The following TIGD5 variants were observed in gnomAD, a reference collection of about 807,000 sequenced individuals.
The protein encoded by TIGD5 is tigger transposable element-derived protein 5.
TIGD5 carries 24 observed loss-of-function variants against 28.8 expected under a neutral mutation model. The observed-to-expected ratio is 0.83, with a 90% CI of 0.60 to 1.17. The LOEUF (loss-of-function observed/expected upper bound fraction) is 1.17, where lower values mean the gene tolerates loss of function less well. TIGD5 is among the 50% of genes most tolerant of loss of function. The probability of loss-of-function intolerance (pLI) is 0.00; values close to 1 mark genes in which losing one functional copy is unlikely to be tolerated. For synonymous variants in TIGD5, 538 were observed against 430.5 expected (o/e 1.25, Z -3.09); for missense variants, 922 against 911.4 (o/e 1.01, Z -0.15).
At position 143,600,258 on chromosome 8, in the gene TIGD5, C is replaced by T. The variant is rs112637095; in HGVS notation, c.*426C>T. 3,103 of 195,822 alleles carry T rather than the reference C, an allele frequency of 0.016. 50 individuals carry two copies. Among genetic ancestry groups the T allele is most frequent in the Middle Eastern group, 0.051 (27 of 528 alleles). 12.1% of individuals were successfully genotyped at this position (195,822 alleles called of 1,614,324 possible). A position where few individuals can be genotyped will look rare whatever the true frequency, so the allele number is the denominator to read the frequency against. On this transcript the variant is annotated 3_prime_UTR_variant, in exon 1 of 1. Transcript: ENST00000504548. ...AGCCACAGCACAATCATCTCAGTGGCGAAGCACACCACTTGATTCTATTTT... is the reference window on the plus strand; with the variant it reads ...AGCCACAGCACAATCATCTCAGTGGTGAAGCACACCACTTGATTCTATTTT...
At position 143,600,139 on chromosome 8, in the gene TIGD5, T is replaced by C; in HGVS notation, c.*307T>C. On this transcript the variant is annotated 3_prime_UTR_variant, in exon 1 of 1. Transcript: ENST00000504548. ...GGCTGTGTTCCTGCTCTGGCCCCCGTGGGGCTGGGCCTCCGCCCCTGCACC... is the reference window on the plus strand; with the variant it reads ...GGCTGTGTTCCTGCTCTGGCCCCCGCGGGGCTGGGCCTCCGCCCCTGCACC... 2.8e-6 allele frequency: 1 copy of C among 352,586 alleles called. No homozygotes were observed. Among genetic ancestry groups the C allele is most frequent in the Non-Finnish European group, 5.1e-6 (1 of 196,712 alleles). 21.8% of individuals were successfully genotyped at this position (352,586 alleles called of 1,614,324 possible). A position where few individuals can be genotyped will look rare whatever the true frequency, so the allele number is the denominator to read the frequency against.
In TIGD5 at chr8:143,601,315, C is replaced by G. The variant is rs893384085; in HGVS notation, c.*1483C>G. 6.6e-6 allele frequency: 1 copy of G among 152,272 alleles called. No homozygotes were observed. The highest frequency in any genetic ancestry group is 2.4e-5 in the African/African-American group (1 of 41,462). The allele number at this position is 152,272 out of a possible 1,614,324, so 9.4% of individuals were successfully genotyped here. On this transcript the variant is annotated 3_prime_UTR_variant, in exon 1 of 1. Transcript: ENST00000504548. ...AGAAACAGACTCCCTGAGCAGAGCTCAGGGCAGCAGCTCCAGGCATGCCTG... is the reference window on the plus strand; with the variant it reads ...AGAAACAGACTCCCTGAGCAGAGCTGAGGGCAGCAGCTCCAGGCATGCCTG...
chr8:143,598,802 C>T lies in TIGD5; in HGVS notation c.899C>T (p.Pro300Leu). The stretch of plus-strand genomic sequence containing the variant: ...CTGGTCATCGGGCGGCTGCCGGACC[C>T]GCCCAGCCTGCGCCACCACAACCAG... ...KPLVIGRLPD[P>L]PSLRHHNQDK... Residue 300 changes from proline to leucine, a missense_variant, in exon 1 of 1, where the codon CCG (proline) becomes CTG (leucine). Pro to Leu is a moderately conservative substitution (Grantham distance 98). Transcript: ENST00000504548. This position sits in a 1 kb window ranked among gnomAD's most constrained non-coding sequence, Gnocchi z 6.6. The T allele has an allele frequency of 6.3e-7, 1 of 1,599,824 alleles. No individual in the cohort carries two copies. Among genetic ancestry groups the T allele is most frequent in the Non-Finnish European group, 8.5e-7 (1 of 1,179,192 alleles).
In TIGD5 at chr8:143,602,168, G is replaced by C. The variant is rs1829276862; in HGVS notation, c.*2336G>C. 1 of 151,664 alleles carries C rather than the reference G, an allele frequency of 6.6e-6. No homozygotes were observed. Among genetic ancestry groups the C allele is most frequent in the Admixed American group, 6.6e-5 (1 of 15,220 alleles). 9.4% of individuals were successfully genotyped at this position (151,664 alleles called of 1,614,324 possible). A position where few individuals can be genotyped will look rare whatever the true frequency, so the allele number is the denominator to read the frequency against. On this transcript the variant is annotated 3_prime_UTR_variant, in exon 1 of 1. Coordinates refer to ENST00000504548, the MANE Select transcript of TIGD5 (RefSeq NM_032862.5). ...GAGCCTGTCAAGAGTGGGTCTGCCT[G>C]CTGGCACTTACTAGACGGGAAATAC...
Position 143,598,384 on chromosome 8 carries a change from C to G in TIGD5, c.481C>G (p.Pro161Ala), listed in dbSNP as rs1829143909. The part of the protein sequence containing the change: ...AEAFARQIYG[P>A]ECTFKASHGW... ...GGCCTTCGCGCGCCAGATCTACGGG[C>G]CCGAGTGCACCTTCAAGGCCAGCCA... is the stretch of plus-strand genomic sequence containing the variant. Residue 161 changes from proline to alanine, a missense_variant, in exon 1 of 1, where the codon CCC becomes GCC. Transcript: ENST00000504548. The surrounding 1 kb of genome is among the most constrained non-coding windows in gnomAD (Gnocchi z 6.6). The G allele has an allele frequency of 6.4e-7, 1 of 1,559,074 alleles. No homozygotes were observed. The highest frequency in any genetic ancestry group is 8.6e-7 in the Non-Finnish European group (1 of 1,156,844).
rs1405747677 is a variant in TIGD5 at position 143,598,379 on chromosome 8, A to G, written c.476A>G (p.Tyr159Cys). The G allele has an allele frequency of 6.4e-6, 10 of 1,568,908 alleles. No individual in the cohort carries two copies. Among genetic ancestry groups the G allele is most frequent in the South Asian group, 2.3e-5 (2 of 87,290 alleles). The change falls in exon 1 of 1, where the codon TAC (tyrosine) becomes TGC (cysteine). Residue 159 changes from tyrosine to cysteine, a missense_variant. By Grantham distance (194) the Tyr-to-Cys change is radical (BLOSUM62 -2). Coordinates refer to ENST00000504548, the MANE Select transcript of TIGD5 (RefSeq NM_032862.5). This position sits in a 1 kb window ranked among gnomAD's most constrained non-coding sequence, Gnocchi z 6.6. Reference protein sequence around the residue: ...AQAEAFARQIYGPECTFKASH... With the variant: ...AQAEAFARQICGPECTFKASH... Reference sequence around the variant, plus strand: ...GCCGAGGCCTTCGCGCGCCAGATCTACGGGCCCGAGTGCACCTTCAAGGCC... The same window carrying G: ...GCCGAGGCCTTCGCGCGCCAGATCTGCGGGCCCGAGTGCACCTTCAAGGCC...
rs977816277 is a variant in TIGD5 at position 143,601,834 on chromosome 8, C to T, written c.*2002C>T. ...AAGAGGCCAGGCACGTTGGCTCACA[C>T]CTGTCATCCCAGCACTTTGGGAGGC... On this transcript the variant is annotated 3_prime_UTR_variant, in exon 1 of 1. Transcript: ENST00000504548. 1 of 152,238 alleles carries T rather than the reference C, an allele frequency of 6.6e-6. No individual in the cohort carries two copies. The highest frequency in any genetic ancestry group is 1.5e-5 in the Non-Finnish European group (1 of 68,050). The allele number at this position is 152,238 out of a possible 1,614,324, so 9.4% of individuals were successfully genotyped here. A position where few individuals can be genotyped will look rare whatever the true frequency, so the allele number is the denominator to read the frequency against.
In TIGD5 at chr8:143,598,311, C is replaced by T. The variant is rs1224379771; in HGVS notation, c.408C>T (p.Arg136=). The part of the protein sequence containing the change: ...RAVYAWFLAL[R]QHGVPLSGPL... Reference sequence around the variant, plus strand: ...TGTACGCCTGGTTCCTGGCGCTGCGCCAGCACGGGGTGCCGCTGTCTGGCC... The same window carrying T: ...TGTACGCCTGGTTCCTGGCGCTGCGTCAGCACGGGGTGCCGCTGTCTGGCC... The change falls in exon 1 of 1, where the codon CGC becomes CGT. Residue 136 remains arginine, a synonymous_variant. Transcript: ENST00000504548. This position sits in a 1 kb window ranked among gnomAD's most constrained non-coding sequence, Gnocchi z 6.6. The T allele has an allele frequency of 6.2e-7, 1 of 1,608,920 alleles. No homozygotes were observed. The highest frequency in any genetic ancestry group is 1.3e-5 in the African/African-American group (1 of 74,508).
Position 143,597,995 on chromosome 8 carries a change from C to A in TIGD5, c.92C>A (p.Pro31His). The A allele has an allele frequency of 8.2e-7, 1 of 1,218,390 alleles. No individual in the cohort carries two copies. The highest frequency in any genetic ancestry group is 1.0e-6 in the Non-Finnish European group (1 of 972,644). 75.5% of individuals were successfully genotyped at this position (1,218,390 alleles called of 1,614,324 possible). ...GPPAPAPAPV[P>H]AARPPPPAPG... ...CCCGCGCCCGCCCCAGCCCCCGTCCCCGCTGCACGGCCGCCGCCCCCCGCG... is the reference window on the plus strand; with the variant it reads ...CCCGCGCCCGCCCCAGCCCCCGTCCACGCTGCACGGCCGCCGCCCCCCGCG... Residue 31 changes from proline (P) to histidine (H), a missense_variant, in exon 1 of 1, where the codon CCC becomes CAC. Transcript: ENST00000504548.
At position 143,599,829 on chromosome 8, in the gene TIGD5, G is replaced by A; in HGVS notation, c.1926G>A (p.Val642=). The change falls in exon 1 of 1, where the codon GTG becomes GTA. Residue 642 remains valine (V), a synonymous_variant. Transcript: ENST00000504548. ...CCCCAGCAGGCCCCTATGACGGTGT[G>A]TGACCAGGCCAGCCCAGTGACCTTT... ...GHTPAGPYDG[V] The A allele has an allele frequency of 6.8e-7, 1 of 1,474,426 alleles. No individual in the cohort carries two copies. The highest frequency in any genetic ancestry group is 8.9e-7 in the Non-Finnish European group (1 of 1,122,444). 91.3% of individuals were successfully genotyped at this position (1,474,426 alleles called of 1,614,324 possible). A position where few individuals can be genotyped will look rare whatever the true frequency, so the allele number is the denominator to read the frequency against.
Position 143,598,845 on chromosome 8 carries a change from C to T in TIGD5, c.942C>T (p.Ser314=), listed in dbSNP as rs373464185. Residue 314 remains serine, a synonymous_variant, in exon 1 of 1, where the codon TCC becomes TCT. Transcript: ENST00000504548. The surrounding 1 kb of genome is among the most constrained non-coding windows in gnomAD (Gnocchi z 6.6). ...RHHNQDKFPA[S]YRYSPDAWLS... is the part of the protein sequence containing the mutation. The stretch of plus-strand genomic sequence containing the variant: ...ACAACCAGGACAAGTTCCCGGCCTC[C>T]TACCGCTACAGCCCCGACGCCTGGC... The T allele has an allele frequency of 1.2e-6, 2 of 1,600,820 alleles. No individual in the cohort carries two copies. The highest frequency in any genetic ancestry group is 1.3e-5 in the African/African-American group (1 of 74,918).
At position 143,602,595 on chromosome 8, in the gene TIGD5, T is replaced by C. The variant is rs1347872609; in HGVS notation, c.*2763T>C. ...GGGGTGAGGCTGCATCTGCTTCCTCTAACAGCCGTGGCTGCCTGCGGGCTC... is the reference window on the plus strand; with the variant it reads ...GGGGTGAGGCTGCATCTGCTTCCTCCAACAGCCGTGGCTGCCTGCGGGCTC... On this transcript the variant is annotated 3_prime_UTR_variant, in exon 1 of 1. Transcript: ENST00000504548. 6.6e-6 allele frequency: 1 copy of C among 152,274 alleles called. No individual in the cohort carries two copies. Among genetic ancestry groups the C allele is most frequent in the Non-Finnish European group, 1.5e-5 (1 of 68,068 alleles). 9.4% of individuals were successfully genotyped at this position (152,274 alleles called of 1,614,324 possible).
rs907442544 is a variant in TIGD5, at chr8:143,601,029, C to G, written c.*1197C>G. The G allele has an allele frequency of 6.6e-6, 1 of 152,542 alleles. No individual in the cohort carries two copies. The highest frequency in any genetic ancestry group is 2.4e-5 in the African/African-American group (1 of 41,430). 9.4% of individuals were successfully genotyped at this position (152,542 alleles called of 1,614,324 possible). A position where few individuals can be genotyped will look rare whatever the true frequency, so the allele number is the denominator to read the frequency against. On this transcript the variant is annotated 3_prime_UTR_variant, in exon 1 of 1. Coordinates refer to ENST00000504548, the MANE Select transcript of TIGD5 (RefSeq NM_032862.5). ...CTCGTCCCCATCTGCCCCCAGTGTCCTCCTAGGAGAGGGAACCTTGAAAAC... is the reference window on the plus strand; with the variant it reads ...CTCGTCCCCATCTGCCCCCAGTGTCGTCCTAGGAGAGGGAACCTTGAAAAC...
Position 143,598,194 on chromosome 8 carries a change from G to A in TIGD5, c.291G>A (p.Lys97=). The A allele has an allele frequency of 1.9e-6, 3 of 1,606,374 alleles. No individual in the cohort carries two copies. The highest frequency in any genetic ancestry group is 1.7e-4 in the Middle Eastern group (1 of 6,032). The part of the protein sequence containing the change: ...TLRGWLKDEP[K]LRWFLEQLGG... ...GCGGCTGGCTCAAGGACGAGCCCAA[G>A]CTGCGCTGGTTCCTGGAGCAGCTGG... The change falls in exon 1 of 1, where the codon AAG becomes AAA. Residue 97 remains lysine (K), a synonymous_variant. Coordinates refer to ENST00000504548, the MANE Select transcript of TIGD5 (RefSeq NM_032862.5). This position sits in a 1 kb window ranked among gnomAD's most constrained non-coding sequence, Gnocchi z 6.6.
At position 143,599,628 on chromosome 8, in the gene TIGD5, G is replaced by A; in HGVS notation, c.1725G>A (p.Glu575=). The A allele has an allele frequency of 1.3e-6, 2 of 1,525,412 alleles. No homozygotes were observed. Among genetic ancestry groups the A allele is most frequent in the Non-Finnish European group, 1.8e-6 (2 of 1,139,304 alleles). 94.5% of individuals were successfully genotyped at this position (1,525,412 alleles called of 1,614,324 possible). A position where few individuals can be genotyped will look rare whatever the true frequency, so the allele number is the denominator to read the frequency against. ...CCATGGGGGGCGGAGAGGACGAGGAGGAGGCCACCGACTATGGAGGGACCT... is the reference window on the plus strand; with the variant it reads ...CCATGGGGGGCGGAGAGGACGAGGAAGAGGCCACCGACTATGGAGGGACCT... ...PSAMGGGEDE[E]EATDYGGTSV... The change falls in exon 1 of 1, where the codon GAG becomes GAA. Residue 575 remains glutamate, a synonymous_variant. Coordinates refer to ENST00000504548, the MANE Select transcript of TIGD5 (RefSeq NM_032862.5).
rs1240056675 is a variant in TIGD5, at chr8:143,597,847, G to C, written c.-57G>C. 1 of 501,408 alleles carries C rather than the reference G, an allele frequency of 2.0e-6. No homozygotes were observed. Among genetic ancestry groups the C allele is most frequent in the South Asian group, 8.4e-5 (1 of 11,914 alleles). 31.1% of individuals were successfully genotyped at this position (501,408 alleles called of 1,614,324 possible). A position where few individuals can be genotyped will look rare whatever the true frequency, so the allele number is the denominator to read the frequency against. On this transcript the variant is annotated 5_prime_UTR_variant, in exon 1 of 1. Coordinates refer to ENST00000504548, the MANE Select transcript of TIGD5 (RefSeq NM_032862.5). Reference sequence around the variant, plus strand: ...CCCGCCCCCGAGTGCCCCGCCCCGAGCGGCTGGGCGTGTGGCTCCCGCGAC... The same window carrying C: ...CCCGCCCCCGAGTGCCCCGCCCCGACCGGCTGGGCGTGTGGCTCCCGCGAC...
chr8:143,599,423 G>A lies in TIGD5; in HGVS notation c.1520G>A (p.Ser507Asn), dbSNP rs765576389. 5 of 1,572,132 alleles carry A rather than the reference G, an allele frequency of 3.2e-6. No individual in the cohort carries two copies. The highest frequency in any genetic ancestry group is 4.3e-6 in the Non-Finnish European group (5 of 1,159,518). ...CAGGCCGAGGAAGCCGCCGAGCACA[G>A]CAGGGTGCTCAGCGACCTCACCCAC... ...PAQAEEAAEHSRVLSDLTHLA... is the reference protein window; with the variant it reads ...PAQAEEAAEHNRVLSDLTHLA... Residue 507 changes from serine (S) to asparagine (N), a missense_variant, in exon 1 of 1, where the codon AGC becomes AAC. By Grantham distance (46) the Ser-to-Asn change is conservative. Transcript: ENST00000504548.
At position 143,601,581 on chromosome 8, in the gene TIGD5, C is replaced by T. The variant is rs1563674333; in HGVS notation, c.*1749C>T. On this transcript the variant is annotated 3_prime_UTR_variant, in exon 1 of 1. Transcript: ENST00000504548. ...GGCCTTGTCTGTAGTCTGGGCGGCC[C>T]GTGGCGCTGCCCTTCAGCCCAACTA... 6.6e-6 allele frequency: 1 copy of T among 152,308 alleles called. No homozygotes were observed. The highest frequency in any genetic ancestry group is 1.5e-5 in the Non-Finnish European group (1 of 68,064). 9.4% of individuals were successfully genotyped at this position (152,308 alleles called of 1,614,324 possible).
rs911490303 is a variant in TIGD5 at position 143,601,760 on chromosome 8, A to G, written c.*1928A>G. On this transcript the variant is annotated 3_prime_UTR_variant, in exon 1 of 1. Coordinates refer to ENST00000504548, the MANE Select transcript of TIGD5 (RefSeq NM_032862.5). ...CTGTGGCCTGTCCCCCAGTCCCTCA[A>G]TGGCCACTTTCTATAAACAAGGCAG... 3 of 152,194 alleles carry G rather than the reference A, an allele frequency of 2.0e-5. No homozygotes were observed. Among genetic ancestry groups the G allele is most frequent in the Admixed American group, 1.3e-4 (2 of 15,278 alleles). The allele number at this position is 152,194 out of a possible 1,614,324, so 9.4% of individuals were successfully genotyped here. A position where few individuals can be genotyped will look rare whatever the true frequency, so the allele number is the denominator to read the frequency against.
Sources: gnomAD v4.1 joint callset for allele counts on GRCh38, gnomAD v4.1.1 for gene constraint, Gnocchi (gnomAD v3.1) non-coding constraint, MANE v1.5 for transcripts, NCBI Gene and HGNC (gene_info 2026-07-23, HGNC 2026-07-21) for gene names.